The following HCRTR2 variants were observed in gnomAD, a reference collection of about 807,000 sequenced individuals.
HCRTR2 encodes the protein orexin receptor type 2.
A neutral mutation model predicts 49.0 loss-of-function variants in HCRTR2; 22 were observed. The observed-to-expected ratio is 0.45, with a 90% confidence interval of 0.32 to 0.64. The LOEUF is 0.64. Ranked by LOEUF, HCRTR2 falls within the 30% of genes least tolerant of loss-of-function variation. The probability of loss-of-function intolerance (pLI) is 0.04; values close to 1 mark genes in which losing one functional copy is unlikely to be tolerated. For synonymous variants in HCRTR2, 236 were observed against 205.3 expected (o/e 1.15, Z -1.28); for missense variants, 491 against 559.4 (o/e 0.88, Z 1.23).
rs1415161863 is a variant in HCRTR2, at chr6:55,118,035, T to G, written c.-378+11490T>G. ...CCTAGTATCCACTTGTTATTTTTCC[T>G]GATCCTGTCCCTCCTCTCACCCTCA... On this transcript the variant is annotated intron_variant, in intron 1 of 7. Transcript: ENST00000615358. Among the ~76,000 whole-genome samples the G allele has an allele frequency of 2.0e-5, 3 of 151,860 alleles. No individual in the cohort carries two copies. The Admixed American group carries it at 2.0e-4, about 10-fold the overall frequency.
At chr6:55,206,608 A>G (rs1765606293) in intron 1 of HCRTR2, among the ~76,000 whole-genome samples, 1 of 152,042 alleles carries the variant, frequency 6.6e-6, no homozygotes, top group African/African-American at 2.4e-5. Flanking sequence ...TTGCAAAGCC[A>G]GTAATCTTTC....
intron 1 of HCRTR2, among the ~76,000 whole-genome samples, chr6:55,214,133 G>A (rs143973219): frequency 2.8e-4 from 42 of 152,182 alleles, no homozygotes; most frequent in African/African-American, 9.4e-4. Flanking sequence ...AGACACCAAA[G>A]GGAGGAAGAG....
chr6:55,207,747 G>A (rs1379369392), intron 1 of HCRTR2, among the ~76,000 whole-genome samples: 2 of 152,168 alleles, frequency 1.3e-5, no homozygotes, highest in African/African-American at 4.8e-5. Flanking sequence ...TGGGTGGAAG[G>A]TCAGTCAAGG....
intron 1 of HCRTR2, among the ~76,000 whole-genome samples, chr6:55,126,737 T>C (rs1460318544): frequency 1.3e-5 from 2 of 152,270 alleles, no homozygotes; most frequent in East Asian, 3.9e-4. Context: ...TATAAGTCCC[T>C]GACTGGGGCT....
chr6:55,145,637 A>G (rs942219542), intron 1 of HCRTR2, among the ~76,000 whole-genome samples: 11 of 151,844 alleles, frequency 7.2e-5, no homozygotes, highest in East Asian at 5.9e-4. Context: ...GGATGGTCTC[A>G]ATCTCCTGAC....
chr6:55,241,363 C>T (rs1766329185), intron 1 of HCRTR2, among the ~76,000 whole-genome samples: 1 of 152,106 alleles, frequency 6.6e-6, no homozygotes, highest in Non-Finnish European at 1.5e-5. Flanking sequence ...ATGCTTAAAA[C>T]TCATTCCGGA....
At chr6:55,171,770 T>A (rs1201528085), upstream of HCRTR2, among the ~76,000 whole-genome samples, 1 of 152,180 alleles carries the variant, frequency 6.6e-6, no homozygotes, top group Non-Finnish European at 1.5e-5. Flanking sequence ...TTCAATTTAC[T>A]GTGATGATTA....
intron 1 of HCRTR2, among the ~76,000 whole-genome samples, chr6:55,245,957 G>A (rs1006352233): frequency 6.6e-6 from 1 of 152,026 alleles, no homozygotes; most frequent in Non-Finnish European, 1.5e-5. Flanking sequence ...TATTGCAGTA[G>A]GGTGGGCCTT....
intron 1 of HCRTR2, among the ~76,000 whole-genome samples, chr6:55,212,341 C>T (rs894755383): frequency 6.6e-6 from 1 of 152,036 alleles, no homozygotes; most frequent in Non-Finnish European, 1.5e-5. Context: ...CTATAGAATC[C>T]CAACTTTGTT....
chr6:55,145,848 A>G (rs942293047), intron 1 of HCRTR2, among the ~76,000 whole-genome samples: 3 of 151,976 alleles, frequency 2.0e-5, no homozygotes, highest in African/African-American at 7.3e-5. Flanking sequence ...CTGGTATCCA[A>G]TCTCTTGGAG....
chr6:55,187,845 C>T lies in HCRTR2; in HGVS notation c.223+13035C>T, dbSNP rs953305701. On this transcript the variant is annotated intron_variant, in intron 1 of 6. Transcript: ENST00000370862. ...AGACTGGAGTGCAGTGGCGCAATCT[C>T]GCCTCAGTGCAAGCTCCGCCTCCCG... 8.5e-5 allele frequency among the ~76,000 whole-genome samples: 13 copies of T among 152,112 alleles called. 1 individual carries two copies. Among genetic ancestry groups the T allele is most frequent in the Admixed American group, 6.5e-4 (10 of 15,268 alleles).
At chr6:55,145,486 C>G (rs1326995729) in intron 1 of HCRTR2, among the ~76,000 whole-genome samples, 1 of 150,846 alleles carries the variant, frequency 6.6e-6, no homozygotes, top group Non-Finnish European at 1.5e-5. Context: ...TCTCGGCTCA[C>G]TGCAAGCTCC....
chr6:55,257,904 T>C (rs1766683118), intron 3 of HCRTR2, among the ~76,000 whole-genome samples: 1 of 151,954 alleles, frequency 6.6e-6, no homozygotes. Flanking sequence ...GTAAAAGCTA[T>C]ACAGTCATTT....
intron 3 of HCRTR2, among the ~76,000 whole-genome samples, chr6:55,256,615 T>C (rs1766657651): frequency 1.3e-5 from 2 of 150,122 alleles, no homozygotes; most frequent in Non-Finnish European, 2.9e-5. Flanking sequence ...CTTTTCCTTT[T>C]TAACATTCCA....
Position 55,161,234 on chromosome 6 carries a change from C to T in HCRTR2, c.-377-12977C>T, listed in dbSNP as rs187692327. On this transcript the variant is annotated intron_variant, in intron 1 of 7. Transcript: ENST00000615358. Reference sequence around the variant, plus strand: ...TGAACAACCTGCTGCTGAATGACTACTGGGTAAATAATGAAATTAAGGCAG... The same window carrying T: ...TGAACAACCTGCTGCTGAATGACTATTGGGTAAATAATGAAATTAAGGCAG... 3.9e-4 allele frequency among the ~76,000 whole-genome samples: 59 copies of T among 152,240 alleles called. No homozygotes were observed. In the East Asian group the frequency reaches 0.011, roughly 28 times the overall value.
intron 1 of HCRTR2, among the ~76,000 whole-genome samples, chr6:55,116,715 G>GAGAAAAA (rs55778468): frequency 2.3e-5 from 2 of 88,520 alleles, no homozygotes; most frequent in African/African-American, 3.9e-5. Context: ...AAGAGAGAGA[G>GAGAAAAA]AAAAAAAAAA....
At chr6:55,274,201 G>T (rs1767028987) in intron 4 of HCRTR2, among the ~76,000 whole-genome samples, 2 of 144,484 alleles carry the variant, frequency 1.4e-5, no homozygotes, top group African/African-American at 5.1e-5. Flanking sequence ...TTATTTAGGA[G>T]TTCTTTATTA....
intron 1 of HCRTR2, among the ~76,000 whole-genome samples, chr6:55,199,566 A>C (rs1484504801): frequency 6.6e-6 from 1 of 152,220 alleles, no homozygotes; most frequent in Non-Finnish European, 1.5e-5. Flanking sequence ...TAATTTTTCT[A>C]GTAATACATT....
chr6:55,186,255 T>A (rs1765214505), intron 1 of HCRTR2, among the ~76,000 whole-genome samples: 1 of 152,210 alleles, frequency 6.6e-6, no homozygotes, highest in African/African-American at 2.4e-5. Flanking sequence ...CAGGAGGAAT[T>A]TTTTACATAT....
Sources: allele counts gnomAD v4.1 joint callset (sites outside exome capture counted in the v4.1 genomes callset), GRCh38; gene constraint gnomAD v4.1.1; transcripts MANE v1.5; gene names NCBI Gene and HGNC (gene_info 2026-07-23, HGNC 2026-07-21).